The following SCN11A variants were observed in gnomAD, a reference collection of about 807,000 sequenced individuals.
SCN11A encodes sodium channel protein type 11 subunit alpha.
In SCN11A, 122 loss-of-function variants were observed where a neutral mutation model predicts 162.2. The observed-to-expected ratio is 0.75, with a 90% CI of 0.65 to 0.87. The LOEUF (loss-of-function observed/expected upper bound fraction) is 0.87, where lower values mean the gene tolerates loss of function less well. Ranked by LOEUF, SCN11A falls within the 40% of genes least tolerant of loss-of-function variation. SCN11A has a pLI of 0.00. For missense variants in SCN11A, 2,015 were observed against 2,181.6 expected (o/e 0.92, Z 1.52); for synonymous variants, 758 against 751.5 (o/e 1.01, Z -0.14).
rs148336673 is a variant in SCN11A at position 38,967,439 on chromosome 3, T to G, written c.-279-7016A>C. Among the ~76,000 whole-genome samples the G allele has an allele frequency of 2.0e-3, 306 of 152,306 alleles. 2 individuals carry two copies. The highest frequency in any genetic ancestry group is 7.0e-3 in the African/African-American group (290 of 41,566). On this transcript the variant is annotated intron_variant, in intron 2 of 29. Coordinates refer to ENST00000302328, the MANE Select transcript of SCN11A (RefSeq NM_001349253.2). Reference sequence around the variant, plus strand: ...CGTGGGGAGCATCTGAGGCCTCTTGTCAATAGCCAGCACCAGCTTACCAGC... The same window carrying G: ...CGTGGGGAGCATCTGAGGCCTCTTGGCAATAGCCAGCACCAGCTTACCAGC...
rs60196199 is a variant in SCN11A, at chr3:38,980,601, G to C, written c.-279-20178C>G. 1.3e-3 allele frequency among the ~76,000 whole-genome samples: 199 copies of C among 152,288 alleles called. 4 individuals are homozygous for C. In the East Asian group the frequency reaches 0.025, roughly 19 times the overall value. ...GAGGATAAGGAAAGATATGTGAAGA[G>C]GTGTTATAAACTGTAGCCTGGTTTC... On this transcript the variant is annotated intron_variant, in intron 2 of 29. Transcript: ENST00000302328.
At chr3:38,970,229 T>C (rs527851721) in intron 2 of SCN11A, among the ~76,000 whole-genome samples, 27 of 152,292 alleles carry the variant, frequency 1.8e-4, no homozygotes, top group African/African-American at 6.3e-4. Context: ...TTCACCTCAA[T>C]TTCCTGCCAT....
intron 2 of SCN11A, among the ~76,000 whole-genome samples, chr3:38,967,850 A>G (rs1392035106): frequency 3.9e-5 from 6 of 152,232 alleles, no homozygotes; most frequent in African/African-American, 1.2e-4. Flanking sequence ...CCAACTCATG[A>G]GAGCTCCTGC....
At chr3:38,956,359 T>C (rs1315394840) in intron 3 of SCN11A, among the ~76,000 whole-genome samples, 2 of 152,154 alleles carry the variant, frequency 1.3e-5, no homozygotes, top group African/African-American at 4.8e-5. Flanking sequence ...ACAAAAAATA[T>C]GTTTCAGAAA....
chr3:38,998,828 G>A (rs2030722190), intron 2 of SCN11A, among the ~76,000 whole-genome samples: 2 of 146,976 alleles, frequency 1.4e-5, no homozygotes, highest in Admixed American at 7.1e-5. Flanking sequence ...AACACCACAT[G>A]TTCTCACTCA....
intron 2 of SCN11A, among the ~76,000 whole-genome samples, chr3:38,987,694 T>C (rs1481167898): frequency 6.6e-6 from 1 of 152,138 alleles, no homozygotes; most frequent in Non-Finnish European, 1.5e-5. Context: ...TCAAATTTGA[T>C]GAATCTTACC....
intron 2 of SCN11A, among the ~76,000 whole-genome samples, chr3:39,024,253 C>A (rs769949414): frequency 6.6e-6 from 1 of 152,194 alleles, no homozygotes; most frequent in African/African-American, 2.4e-5. Context: ...TGTGATTAGA[C>A]AAAAGGGTAT....
chr3:38,905,064 C>T, intron 15 of SCN11A, 128 bp downstream of exon 15: 1 of 1,184,536 alleles, frequency 8.4e-7, no homozygotes, highest in Non-Finnish European at 1.2e-6. Context: ...TCACTCTTTG[C>T]AGGATGGTAC....
intron 4 of SCN11A, among the ~76,000 whole-genome samples, chr3:38,951,494 C>A (rs372843917): frequency 1.3e-5 from 2 of 152,266 alleles, no homozygotes; most frequent in East Asian, 3.8e-4. Context: ...CTCTGCTCCA[C>A]GGCGCCCAGT....
intron 3 of SCN11A, among the ~76,000 whole-genome samples, chr3:38,954,731 G>A (rs570819707): frequency 4.6e-5 from 7 of 152,320 alleles, no homozygotes; most frequent in African/African-American, 1.4e-4. Context: ...GCTCATGTCT[G>A]TAATCCTAAC....
intron 2 of SCN11A, among the ~76,000 whole-genome samples, chr3:38,969,332 C>G (rs1248454435): frequency 6.6e-6 from 1 of 152,196 alleles, no homozygotes; most frequent in Non-Finnish European, 1.5e-5. Context: ...TCTTGGTTTA[C>G]CCTTACTGGG....
rs751901471 is a variant in SCN11A at position 38,846,764 on chromosome 3, G to A, written c.5306C>T (p.Pro1769Leu). 4.3e-6 allele frequency: 7 copies of A among 1,613,980 alleles called. No individual in the cohort carries two copies. Among genetic ancestry groups the A allele is most frequent in the Non-Finnish European group, 5.9e-6 (7 of 1,180,026 alleles). Reference protein sequence around the residue: ...QNDLENGPHSPLQTLCNGDLS... With the variant: ...QNDLENGPHSLLQTLCNGDLS... ...GTCTCCATTGCAAAGAGTCTGGAGTGGTGAATGAGGCCCGTTTTCCAAGTC... is the reference window on the plus strand; with the variant it reads ...GTCTCCATTGCAAAGAGTCTGGAGTAGTGAATGAGGCCCGTTTTCCAAGTC... The change falls in exon 30 of 30, where the codon CCA (proline) becomes CTA (leucine). Residue 1769 changes from proline to leucine, a missense_variant. By Grantham distance (98) the Pro-to-Leu change is moderately conservative (BLOSUM62 -3). Transcript: ENST00000302328.
At chr3:38,921,703 T>C (rs2066055512) in intron 9 of SCN11A, among the ~76,000 whole-genome samples, 1 of 152,008 alleles carries the variant, frequency 6.6e-6, no homozygotes, top group Non-Finnish European at 1.5e-5. Flanking sequence ...AATTGTGGGG[T>C]ATAGGGGATG....
intron 1 of SCN11A, among the ~76,000 whole-genome samples, chr3:39,034,413 TAAA>T (rs753272666): frequency 6.6e-6 from 1 of 151,356 alleles, no homozygotes; most frequent in African/African-American, 2.4e-5. Context: ...CCCTTCATGA[TAAA>T]AAAAAATCCT....
intron 9 of SCN11A, among the ~76,000 whole-genome samples, chr3:38,921,776 T>C (rs1338027126): frequency 1.3e-5 from 2 of 152,168 alleles, no homozygotes; most frequent in Non-Finnish European, 2.9e-5. Context: ...AGATTACCAG[T>C]TAGAATAGGG....
chr3:39,019,453 C>G (rs1479873354), intron 2 of SCN11A, among the ~76,000 whole-genome samples: 1 of 152,212 alleles, frequency 6.6e-6, no homozygotes, highest in African/African-American at 2.4e-5. Flanking sequence ...ATAACTCTGT[C>G]TCCTGTGTGA....
chr3:39,026,311 T>C (rs2031586628), intron 2 of SCN11A, among the ~76,000 whole-genome samples: 1 of 152,232 alleles, frequency 6.6e-6, no homozygotes, highest in African/African-American at 2.4e-5. Flanking sequence ...TTAAGCTCTA[T>C]ACTTAAGATG....
At chr3:38,987,478 T>C (rs966581692) in intron 2 of SCN11A, among the ~76,000 whole-genome samples, 3 of 152,150 alleles carry the variant, frequency 2.0e-5, no homozygotes, top group East Asian at 1.9e-4. Flanking sequence ...TGAACCTTCT[T>C]AGGGACTCCT....
At chr3:38,993,881 G>A (rs979539293) in intron 2 of SCN11A, among the ~76,000 whole-genome samples, 1 of 152,256 alleles carries the variant, frequency 6.6e-6, no homozygotes, top group Admixed American at 6.5e-5. Flanking sequence ...ACACCACTGG[G>A]GGCAAGTTCT....
Sources: allele counts gnomAD v4.1 joint callset (sites outside exome capture counted in the v4.1 genomes callset), GRCh38; gene constraint gnomAD v4.1.1; transcripts MANE v1.5; gene names NCBI Gene and HGNC (gene_info 2026-07-23, HGNC 2026-07-21).